Variants in MDFIC observed in about 807,000 individuals in gnomAD.
The protein encoded by MDFIC is MyoD family inhibitor domain containing.
Under a neutral mutation model 23.2 loss-of-function variants are expected in MDFIC, and 17 were observed. The observed-to-expected ratio is 0.73, with a 90% CI of 0.50 to 1.10. MDFIC has a LOEUF of 1.10. MDFIC is among the 50% of genes least tolerant of loss of function. MDFIC has a pLI of 0.00. For synonymous variants in MDFIC, 120 were observed against 115.2 expected, an observed-to-expected ratio of 1.04 and a Z score of -0.27; for missense variants, 356 against 316.6, an observed-to-expected ratio of 1.12 and a Z score of -0.95.
At chr7:114,938,950 T>C (rs1345426610) in intron 2 of MDFIC, among the ~76,000 whole-genome samples, 1 of 152,196 alleles carries the variant, frequency 6.6e-6, no homozygotes, top group Non-Finnish European at 1.5e-5. Context: ...CATTTTGTTA[T>C]TGTAATGAGT....
chr7:114,985,136 T>G (rs907591229), intron 4 of MDFIC, among the ~76,000 whole-genome samples: 3 of 152,212 alleles, frequency 2.0e-5, no homozygotes, highest in Non-Finnish European at 2.9e-5. Context: ...GTGATGTGTC[T>G]TTGGGCAGGT....
intron 4 of MDFIC, among the ~76,000 whole-genome samples, chr7:114,991,422 C>T (rs1791158096): frequency 2.0e-5 from 3 of 152,240 alleles, no homozygotes; most frequent in South Asian, 4.2e-4. Context: ...GAAGTCCTTG[C>T]CCATGCCTAT....
chr7:115,014,367 G>C, intron 4 of MDFIC: 1 of 1,283,314 alleles, frequency 7.8e-7, no homozygotes, highest in Non-Finnish European at 1.0e-6. Context: ...TCTACTTGCA[G>C]TTATATGGCA....
chr7:115,001,539 C>T (rs369479438), intron 4 of MDFIC, among the ~76,000 whole-genome samples: 10 of 152,188 alleles, frequency 6.6e-5, no homozygotes, highest in African/African-American at 2.4e-4. Context: ...TAGATATCTC[C>T]TAGAAAATGT....
At chr7:115,007,630 GTATA>G (rs10528546) in intron 4 of MDFIC, among the ~76,000 whole-genome samples, 9 of 132,870 alleles carry the variant, frequency 6.8e-5, no homozygotes, top group African/African-American at 2.2e-4. Flanking sequence ...GCGTGTGTGT[GTATA>G]TATATATATA....
chr7:114,923,383 G>A (rs1792130175), intron 2 of MDFIC: 5 of 1,410,168 alleles, frequency 3.5e-6, no homozygotes, highest in Admixed American at 4.0e-5. Flanking sequence ...AGGATGACAG[G>A]ATTGCTTCTT....
At chr7:114,987,211 AG>A (rs1487132766) in intron 4 of MDFIC, among the ~76,000 whole-genome samples, 7 of 152,218 alleles carry the variant, frequency 4.6e-5, no homozygotes, top group Non-Finnish European at 8.8e-5. Context: ...TGAATCCTGA[AG>A]GTGGGAAAAG....
chr7:114,970,979 T>C (rs1793193889), intron 3 of MDFIC, among the ~76,000 whole-genome samples: 1 of 152,182 alleles, frequency 6.6e-6, no homozygotes, highest in African/African-American at 2.4e-5. Flanking sequence ...GAGGACCTTT[T>C]TGAGTTTACA....
intron 3 of MDFIC, among the ~76,000 whole-genome samples, chr7:114,978,837 C>T (rs1257472312): frequency 6.6e-6 from 1 of 151,986 alleles, no homozygotes; most frequent in Non-Finnish European, 1.5e-5. Flanking sequence ...GCATAAGTCA[C>T]GTAAGGGTGG....
At chr7:114,979,994 C>T in intron 4 of MDFIC, 1 of 631,600 alleles carries the variant, frequency 1.6e-6, no homozygotes, top group East Asian at 3.0e-5. Flanking sequence ...TAATCGTCTT[C>T]TAGAGTGAAT....
At chr7:114,968,923 A>G (rs1463606355) in intron 3 of MDFIC, among the ~76,000 whole-genome samples, 1 of 152,202 alleles carries the variant, frequency 6.6e-6, no homozygotes, top group Non-Finnish European at 1.5e-5. Flanking sequence ...ACGTAATTCC[A>G]TATCTCATAA....
intron 4 of MDFIC, among the ~76,000 whole-genome samples, chr7:114,995,686 G>T (rs1791309911): frequency 6.6e-6 from 1 of 152,218 alleles, no homozygotes; most frequent in South Asian, 2.1e-4. Context: ...AAATGTTGCT[G>T]CCTGATCGTT....
chr7:114,925,133 G>GA (rs1226867852), intron 2 of MDFIC, among the ~76,000 whole-genome samples: 1 of 151,816 alleles, frequency 6.6e-6, no homozygotes, highest in Non-Finnish European at 1.5e-5. Flanking sequence ...CAAATTAACA[G>GA]AAAAAAATAT....
Position 115,015,756 on chromosome 7 carries a change from G to T in MDFIC, c.562G>T (p.Gly188Ter). 1.2e-6 allele frequency: 2 copies of T among 1,614,126 alleles called. No homozygotes were observed. The highest frequency in any genetic ancestry group is 1.7e-6 in the Non-Finnish European group (2 of 1,180,026). The change falls in exon 5 of 5, where the codon GGA becomes TGA. Residue 188 changes from glycine (G) to a stop codon, truncating the protein, a stop_gained. Transcript: ENST00000393486. LOFTEE classifies it high-confidence loss of function. Reference protein sequence around the residue: ...EFLTLCNIVLGQASCGICTSE... With the variant: ...EFLTLCNIVL Reference sequence around the variant, plus strand: ...CCTGACCCTTTGCAACATTGTCCTGGGACAAGCGTCATGTGGCATCTGCAC... The same window carrying T: ...CCTGACCCTTTGCAACATTGTCCTGTGACAAGCGTCATGTGGCATCTGCAC...
intron 4 of MDFIC, among the ~76,000 whole-genome samples, chr7:114,989,626 T>C (rs1204153986): frequency 6.6e-6 from 1 of 152,194 alleles, no homozygotes; most frequent in Non-Finnish European, 1.5e-5. Flanking sequence ...GCATTGACAT[T>C]GTCAAAGCAA....
intron 4 of MDFIC, among the ~76,000 whole-genome samples, chr7:114,997,789 A>AAAAGAAAGAAAGAG (rs1249627388): frequency 6.6e-6 from 1 of 151,604 alleles, no homozygotes; most frequent in Non-Finnish European, 1.5e-5. Context: ...AAAAGAAAGA[A>AAAAGAAAGAAAGAG]AAAGAAAGAA....
At chr7:114,928,767 G>T (rs1207012384) in intron 2 of MDFIC, among the ~76,000 whole-genome samples, 1 of 152,196 alleles carries the variant, frequency 6.6e-6, no homozygotes, top group Non-Finnish European at 1.5e-5. Flanking sequence ...CTGTTCTGGT[G>T]ACAGTTCATA....
chr7:114,976,600 C>G (rs1211058427), intron 3 of MDFIC, among the ~76,000 whole-genome samples: 1 of 152,022 alleles, frequency 6.6e-6, no homozygotes, highest in South Asian at 2.1e-4. Context: ...ACTATTATTC[C>G]TCTTTATCAC....
Position 115,016,852 on chromosome 7 carries a change from C to G in MDFIC, c.*917C>G, listed in dbSNP as rs891205679. The stretch of plus-strand genomic sequence containing the variant: ...GACTGTGGGGACAGATACAATTCCA[C>G]TCCTGTCCACAGGAACATGAGATTT... On this transcript the variant is annotated 3_prime_UTR_variant, in exon 5 of 5. Transcript: ENST00000393486. 2 of 152,156 alleles carry G rather than the reference C, an allele frequency of 1.3e-5. No homozygotes were observed. Among genetic ancestry groups the G allele is most frequent in the Non-Finnish European group, 2.9e-5 (2 of 68,072 alleles). The allele number at this position is 152,156 out of a possible 1,614,324, so 9.4% of individuals were successfully genotyped here. A position where few individuals can be genotyped will look rare whatever the true frequency, so the allele number is the denominator to read the frequency against.
Sources: allele counts gnomAD v4.1 joint callset (sites outside exome capture counted in the v4.1 genomes callset), GRCh38; gene constraint gnomAD v4.1.1; transcripts MANE v1.5; gene names NCBI Gene and HGNC (gene_info 2026-07-23, HGNC 2026-07-21).